The following NDUFAF6 variants were observed in gnomAD, a reference collection of about 807,000 sequenced individuals.
NDUFAF6 encodes the protein NADH dehydrogenase (ubiquinone) complex I, assembly factor 6.
Under a neutral mutation model 40.8 loss-of-function variants are expected in NDUFAF6, and 45 were observed. The ratio of observed to expected loss-of-function variants is 1.10; its 90% CI spans 0.87 to 1.42. The LOEUF is 1.42. Ranked by LOEUF, NDUFAF6 falls within the 40% of genes most tolerant of loss-of-function variation. The probability of loss-of-function intolerance (pLI) is 0.00; values close to 1 mark genes in which losing one functional copy is unlikely to be tolerated. For missense variants in NDUFAF6, 435 were observed against 418.5 expected (o/e 1.04, Z -0.34); for synonymous variants, 185 against 155.9 (o/e 1.19, Z -1.39).
chr8:94,901,168 C>T (rs764546566), intron 1 of NDUFAF6, among the ~76,000 whole-genome samples: 1 of 152,080 alleles, frequency 6.6e-6, no homozygotes, highest in African/African-American at 2.4e-5. Context: ...GCCCAGAGGA[C>T]CTTGGCATAT....
downstream of NDUFAF6, among the ~76,000 whole-genome samples, chr8:95,107,052 C>A (rs1000005275): frequency 1.1e-4 from 17 of 152,200 alleles, no homozygotes; most frequent in African/African-American, 3.9e-4. Context: ...TAAATTAGTT[C>A]AATCATTGTG....
chr8:94,990,015 C>T (rs117440460), intron 2 of NDUFAF6, among the ~76,000 whole-genome samples: 3,797 of 152,282 alleles, frequency 0.025, 66 homozygotes, highest in Middle Eastern at 0.071. Flanking sequence ...CAGGTGTGAG[C>T]CACCACGCCT....
chr8:95,079,971 TTTTTTGTAGTGTA>T (rs2132049194), downstream of NDUFAF6, among the ~76,000 whole-genome samples: 1 of 119,404 alleles, frequency 8.4e-6, no homozygotes, highest in Admixed American at 8.9e-5. Context: ...TTTGTAGTGA[TTTTTTGTAGTGTA>T]TTTTTGTAGT....
At chr8:94,929,602 A>G (rs1457537829) in intron 1 of NDUFAF6, 2 of 152,152 alleles carry the variant, frequency 1.3e-5, no homozygotes, top group Non-Finnish European at 1.5e-5. Context: ...GAGAAATATG[A>G]AGTCACTTGA....
Position 95,025,151 on chromosome 8 carries a change from CGGCCAGCGGACCG to C in NDUFAF6, c.147_159del (p.Ser50ProfsTer37). 6.7e-7 allele frequency: 1 copy of C among 1,483,292 alleles called. No homozygotes were observed. The highest frequency in any genetic ancestry group is 2.4e-5 in the Admixed American group (1 of 42,098). 91.9% of individuals were successfully genotyped at this position (1,483,292 alleles called of 1,614,324 possible). A position where few individuals can be genotyped will look rare whatever the true frequency, so the allele number is the denominator to read the frequency against. ...GAGGTGTCTGGGCGGAGCGTGGCTG[CGGCCAGCGGACCG>C]GGCGCCTGGGGCACTGACCACTACT... On this transcript the variant is annotated frameshift_variant, in exon 1 of 9. Coordinates refer to ENST00000396124, the MANE Select transcript of NDUFAF6 (RefSeq NM_152416.4). LOFTEE classifies it high-confidence loss of function.
downstream of NDUFAF6, chr8:95,058,861 G>A (rs890041138): frequency 1.2e-6 from 1 of 846,592 alleles, no homozygotes; most frequent in Non-Finnish European, 1.4e-6. Context: ...AGACCAGCCT[G>A]GGCAACATCC....
intron 2 of NDUFAF6, among the ~76,000 whole-genome samples, chr8:94,991,977 T>C (rs1003377187): frequency 6.6e-6 from 1 of 152,260 alleles, no homozygotes; most frequent in African/African-American, 2.4e-5. Flanking sequence ...TGAGTATATC[T>C]AAAGGGTTTA....
At chr8:94,949,092 G>A (rs1822299766) in intron 2 of NDUFAF6, 1 of 148,338 alleles carries the variant, frequency 6.7e-6, no homozygotes, top group Non-Finnish European at 1.5e-5. Context: ...GCAGCGCTGC[G>A]GCCCCAACCG....
At chr8:95,027,026 AC>A (rs1389229271) in intron 1 of NDUFAF6, among the ~76,000 whole-genome samples, 1 of 152,216 alleles carries the variant, frequency 6.6e-6, no homozygotes, top group Non-Finnish European at 1.5e-5. Context: ...AGCTGGGGCA[AC>A]AGAGCAAGAC....
At chr8:95,103,468 A>G (rs540860507), downstream of NDUFAF6, 4 of 152,326 alleles carry the variant, frequency 2.6e-5, no homozygotes, top group East Asian at 5.8e-4. Flanking sequence ...TTTAGAAACA[A>G]TTGAGAAATT....
At chr8:95,034,360 A>G (rs1829228877) in intron 2 of NDUFAF6, among the ~76,000 whole-genome samples, 1 of 152,206 alleles carries the variant, frequency 6.6e-6, no homozygotes, top group Non-Finnish European at 1.5e-5. Flanking sequence ...TTGATGCAGT[A>G]CTTTTATTTG....
intron 2 of NDUFAF6, among the ~76,000 whole-genome samples, chr8:94,946,750 C>T (rs1337288971): frequency 7.2e-6 from 1 of 138,666 alleles, no homozygotes; most frequent in Non-Finnish European, 1.6e-5. Flanking sequence ...AATCTTGGCT[C>T]TGCTACTTGC....
intron 1 of NDUFAF6, among the ~76,000 whole-genome samples, chr8:95,030,781 T>C (rs1177176813): frequency 6.6e-6 from 1 of 152,242 alleles, no homozygotes; most frequent in Non-Finnish European, 1.5e-5. Context: ...CTTGGTAATT[T>C]GTAAAGAAAA....
chr8:94,903,601 A>G (rs886474283), intron 1 of NDUFAF6, among the ~76,000 whole-genome samples: 2 of 152,212 alleles, frequency 1.3e-5, no homozygotes, highest in Non-Finnish European at 1.5e-5. Context: ...GTAGCCATCA[A>G]TTTCAGGACA....
At chr8:95,030,914 A>G (rs1035152580) in intron 1 of NDUFAF6, among the ~76,000 whole-genome samples, 2 of 152,258 alleles carry the variant, frequency 1.3e-5, no homozygotes, top group African/African-American at 4.8e-5. Flanking sequence ...GAGCAGGTGT[A>G]TCACATGGCA....
At chr8:94,912,295 T>C (rs1160758083) in intron 1 of NDUFAF6, among the ~76,000 whole-genome samples, 1 of 152,220 alleles carries the variant, frequency 6.6e-6, no homozygotes, top group Admixed American at 6.5e-5. Flanking sequence ...TAAAATAAGG[T>C]CCACTATCAT....
chr8:94,980,125 C>A (rs113668742), intron 1 of NDUFAF6, among the ~76,000 whole-genome samples: 163 of 150,510 alleles, frequency 1.1e-3, no homozygotes, highest in African/African-American at 1.5e-3. Flanking sequence ...ACAAAAAAAA[C>A]CAGAAAAAGA....
intron 2 of NDUFAF6, among the ~76,000 whole-genome samples, chr8:95,012,823 C>CAA (rs33917264): frequency 1.3e-5 from 2 of 150,902 alleles, no homozygotes; most frequent in African/African-American, 4.9e-5. Context: ...GACTCTGTCT[C>CAA]AAAAAAAACA....
upstream of NDUFAF6, chr8:94,957,987 G>A (rs1823227574): frequency 6.6e-6 from 1 of 152,370 alleles, no homozygotes; most frequent in South Asian, 2.1e-4. Context: ...CTCGTTTGTT[G>A]TCTCCAGGTC....
Sources: gnomAD v4.1 joint callset for allele counts (sites outside exome capture counted in the v4.1 genomes callset) on GRCh38, gnomAD v4.1.1 for gene constraint, MANE v1.5 for transcripts, NCBI Gene and HGNC (gene_info 2026-07-23, HGNC 2026-07-21) for gene names.